PRKCB: variants seen among roughly 807,000 people sequenced by gnomAD.
The protein encoded by PRKCB is protein kinase C beta, also known as protein kinase C beta type.
In PRKCB, 13 loss-of-function variants were observed where a neutral mutation model predicts 81.5. That is an observed-to-expected ratio of 0.16 (90% CI 0.10 to 0.25). The LOEUF (loss-of-function observed/expected upper bound fraction) is 0.25. Among genes scored for constraint, PRKCB ranks in the 10% least tolerant of loss-of-function variants. The probability of loss-of-function intolerance (pLI) is 1.00; values close to 1 mark genes in which losing one functional copy is unlikely to be tolerated. For missense variants in PRKCB, 509 were observed against 875.7 expected (o/e 0.58, Z 5.29); for synonymous variants, 335 against 321.4 (o/e 1.04, Z -0.45).
intron 9 of PRKCB, among the ~76,000 whole-genome samples, chr16:24,137,962 G>A (rs1966870787): frequency 6.6e-6 from 1 of 152,168 alleles, no homozygotes; most frequent in Admixed American, 6.5e-5. Flanking sequence ...CATTTTTGGA[G>A]CACTGGGAAC....
chr16:24,163,019 A>C (rs1197290233), intron 10 of PRKCB, among the ~76,000 whole-genome samples: 2 of 152,172 alleles, frequency 1.3e-5, no homozygotes, highest in East Asian at 3.9e-4. Flanking sequence ...CCTGGTAAAC[A>C]TGACTTCGTT....
At chr16:24,035,684 T>C (rs937306389) in intron 5 of PRKCB, 137 bp downstream of exon 5, 3 of 1,034,972 alleles carry the variant, frequency 2.9e-6, no homozygotes, top group African/African-American at 3.2e-5. Flanking sequence ...GTGGCACTGC[T>C]TCTGCCCCAT....
At chr16:24,193,198 T>C (rs2141981181) in intron 16 of PRKCB, among the ~76,000 whole-genome samples, 1 of 151,966 alleles carries the variant, frequency 6.6e-6, no homozygotes, top group South Asian at 2.1e-4. Flanking sequence ...ATCTCAGCAC[T>C]TTGGGAAGCC....
At chr16:23,843,518 T>G (rs188949752) in intron 2 of PRKCB, among the ~76,000 whole-genome samples, 46 of 152,184 alleles carry the variant, frequency 3.0e-4, no homozygotes, top group Non-Finnish European at 2.6e-4. Flanking sequence ...GGGTTAACAT[T>G]GAGTCTTAAA....
chr16:24,168,538 CTACTTTTTTTTT>C (rs369599140), intron 10 of PRKCB, among the ~76,000 whole-genome samples: 2 of 62,274 alleles, frequency 3.2e-5, no homozygotes, highest in Non-Finnish European at 3.0e-5. Context: ...CTTTCTTCTT[CTACTTTTTTTTT>C]TTTTTTTTTT....
chr16:24,170,491 C>G (rs1967425791), intron 10 of PRKCB, among the ~76,000 whole-genome samples: 1 of 151,910 alleles, frequency 6.6e-6, no homozygotes, highest in Admixed American at 6.6e-5. Context: ...TCTGCCATTG[C>G]AAGCCAAAGG....
At chr16:23,981,806 TTCCCCTTC>T (rs1964717228) in intron 2 of PRKCB, among the ~76,000 whole-genome samples, 1 of 9,356 alleles carries the variant, frequency 1.1e-4, no homozygotes, top group Non-Finnish European at 1.8e-4. Flanking sequence ...TCCCCTTCCC[TTCCCCTTC>T]CCTTCCCCTT....
At chr16:24,070,083 G>A (rs1248295264) in intron 5 of PRKCB, among the ~76,000 whole-genome samples, 5 of 152,002 alleles carry the variant, frequency 3.3e-5, no homozygotes, top group South Asian at 2.1e-4. Flanking sequence ...GGGAAGGGAC[G>A]TTAACTTACA....
At chr16:23,967,926 A>C (rs1244225190) in intron 2 of PRKCB, among the ~76,000 whole-genome samples, 1 of 152,122 alleles carries the variant, frequency 6.6e-6, no homozygotes, top group Non-Finnish European at 1.5e-5. Context: ...AAGTGTTTGG[A>C]TTATAGGCGT....
At chr16:24,110,558 C>G (rs1966663592) in intron 7 of PRKCB, among the ~76,000 whole-genome samples, 1 of 141,862 alleles carries the variant, frequency 7.0e-6, no homozygotes, top group South Asian at 2.2e-4. Flanking sequence ...GCTTTGTCAC[C>G]CAGGCTGGAG....
rs1483308011 is a variant in PRKCB, at chr16:24,200,115, G to T, written c.1863+8885G>T. Among the ~76,000 whole-genome samples, 7 of 152,300 alleles carry T rather than the reference G, an allele frequency of 4.6e-5. No individual in the cohort carries two copies. The East Asian group carries it at 1.3e-3, about 29-fold the overall frequency. On this transcript the variant is annotated intron_variant, in intron 16 of 16. Coordinates refer to ENST00000643927, the MANE Select transcript of PRKCB (RefSeq NM_002738.7). ...AATCTTATTTGTTCCTTAGGGCTTT[G>T]ATTTTGAGGCTGACAAAGACGGCAT...
intron 2 of PRKCB, among the ~76,000 whole-genome samples, chr16:23,957,401 A>C (rs1036574711): frequency 6.6e-6 from 1 of 152,160 alleles, no homozygotes; most frequent in Non-Finnish European, 1.5e-5. Flanking sequence ...AAGGGAAGGA[A>C]ATGTTGTTTT....
At chr16:24,178,326 C>A (rs765612251) in intron 12 of PRKCB, among the ~76,000 whole-genome samples, 41 of 152,246 alleles carry the variant, frequency 2.7e-4, no homozygotes, top group African/African-American at 8.2e-4. Context: ...AGCAGAAATG[C>A]GGATTTATTA....
chr16:23,902,777 C>CCTTCCTTCCTTCCTT (rs1963500004), intron 2 of PRKCB, among the ~76,000 whole-genome samples: 4 of 62,086 alleles, frequency 6.4e-5, no homozygotes, highest in African/African-American at 2.0e-4. Flanking sequence ...TTCCTTCCTT[C>CCTTCCTTCCTTCCTT]CTTCCTCCCT....
At chr16:24,131,626 C>T (rs1412499513) in intron 9 of PRKCB, among the ~76,000 whole-genome samples, 2 of 152,204 alleles carry the variant, frequency 1.3e-5, no homozygotes, top group Non-Finnish European at 2.9e-5. Flanking sequence ...GTGACTTTAA[C>T]TTGACTTCCT....
In PRKCB at chr16:23,950,451, A is replaced by T. The variant is rs143244654; in HGVS notation, c.206-38057A>T. On this transcript the variant is annotated intron_variant, in intron 2 of 16. Coordinates refer to ENST00000643927, the MANE Select transcript of PRKCB (RefSeq NM_002738.7). ...CTGGGCCAGCTAAAAGCTAAGCAGT[A>T]TGGGTAAGAGCACGGGGTTCTGGAG... Among the ~76,000 whole-genome samples, 221 of 152,312 alleles carry T rather than the reference A, an allele frequency of 1.5e-3. 2 individuals are homozygous for T. The highest frequency in any genetic ancestry group is 5.0e-3 in the African/African-American group (208 of 41,564).
chr16:23,917,859 C>T (rs373676988), intron 2 of PRKCB, among the ~76,000 whole-genome samples: 13 of 152,254 alleles, frequency 8.5e-5, no homozygotes, highest in Middle Eastern at 3.4e-3. Context: ...GAGAAAATTT[C>T]GTGTCTGTCT....
At chr16:24,105,225 T>G (rs1277183418) in intron 7 of PRKCB, among the ~76,000 whole-genome samples, 2 of 151,980 alleles carry the variant, frequency 1.3e-5, no homozygotes, top group East Asian at 3.9e-4. Context: ...CCCATCTAAT[T>G]TTTGTGTTTT....
In PRKCB at chr16:23,918,891, C is replaced by A. The variant is rs534710455; in HGVS notation, c.206-69617C>A. Among the ~76,000 whole-genome samples, 12 of 152,294 alleles carry A rather than the reference C, an allele frequency of 7.9e-5. No homozygotes were observed. In the South Asian group the frequency reaches 2.5e-3, roughly 32 times the overall value. ...ATAAGATCAGCCAATGCTGTGCTTG[C>A]AGATAAGTTCATAGCTTTAATACTT... On this transcript the variant is annotated intron_variant, in intron 2 of 16. Transcript: ENST00000643927.
Sources: gnomAD v4.1 joint callset for allele counts (sites outside exome capture counted in the v4.1 genomes callset) on GRCh38, gnomAD v4.1.1 for gene constraint, MANE v1.5 for transcripts, NCBI Gene and HGNC (gene_info 2026-07-23, HGNC 2026-07-21) for gene names.